Variants in BPTF observed in about 807,000 individuals in gnomAD.
BPTF encodes bromodomain PHD finger transcription factor.
A neutral mutation model predicts 292.5 loss-of-function variants in BPTF; 18 were observed. The ratio of observed to expected loss-of-function variants is 0.06; its 90% CI spans 0.04 to 0.09. The LOEUF (loss-of-function observed/expected upper bound fraction) is 0.09, where lower values mean the gene tolerates loss of function less well. BPTF is among the 10% of genes least tolerant of loss of function. The pLI is 1.00. For missense variants in BPTF, 2,726 were observed against 3,498.7 expected (o/e 0.78, Z 5.57); for synonymous variants, 1,225 against 1,251.9 (o/e 0.98, Z 0.45).
rs1221760754 is a variant in BPTF, at chr17:67,945,833, T to C, written c.7125T>C (p.Ile2375=). The change falls in exon 21 of 28, where the codon ATT becomes ATC. Residue 2375 remains isoleucine, a synonymous_variant. Transcript: ENST00000306378. ...TTCAGACTACAACCTCACAACCGAT[T>C]CCAATTCAACCACATACATCTCTTC... is the stretch of plus-strand genomic sequence containing the variant. ...SQVQTTTSQP[I]PIQPHTSLQI... is the part of the protein sequence containing the mutation. The C allele has an allele frequency of 6.2e-7, 1 of 1,613,962 alleles. No individual in the cohort carries two copies. The highest frequency in any genetic ancestry group is 8.5e-7 in the Non-Finnish European group (1 of 1,180,028).
At chr17:67,920,221 T>G in intron 13 of BPTF, 78 bp downstream of exon 13, 1 of 1,480,000 alleles carries the variant, frequency 6.8e-7, no homozygotes, top group Non-Finnish European at 9.2e-7. Context: ...ATATAATTTT[T>G]TCTTCTCTGT....
At chr17:67,909,510 C>A in intron 9 of BPTF, 72 bp from the exon 10 acceptor site, 1 of 944,052 alleles carries the variant, frequency 1.1e-6, no homozygotes, top group Non-Finnish European at 1.5e-6. Context: ...TGTTTATTTT[C>A]ACTAAACTTG....
intron 1 of BPTF, among the ~76,000 whole-genome samples, chr17:67,831,966 A>G (rs983716119): frequency 1.3e-5 from 2 of 152,116 alleles, no homozygotes; most frequent in African/African-American, 4.8e-5. Flanking sequence ...ATCTCGGTTC[A>G]CTGCAACCTC....
intron 3 of BPTF, among the ~76,000 whole-genome samples, chr17:67,870,440 A>G (rs1045115649): frequency 1.3e-5 from 2 of 152,022 alleles, no homozygotes; most frequent in East Asian, 3.9e-4. Flanking sequence ...CAACTTTTTA[A>G]GGAGTGTATT....
chr17:67,864,493 A>G (rs2059274789), intron 2 of BPTF, among the ~76,000 whole-genome samples: 1 of 147,168 alleles, frequency 6.8e-6, no homozygotes, highest in East Asian at 2.0e-4. Context: ...GCGCCACTGC[A>G]CTCCAGCCTG....
Position 67,853,118 on chromosome 17 carries a change from G to A in BPTF, c.614-822G>A, listed in dbSNP as rs371847873. 7.9e-5 allele frequency among the ~76,000 whole-genome samples: 12 copies of A among 152,226 alleles called. No homozygotes were observed. The South Asian group carries it at 1.0e-3, about 13-fold the overall frequency. On this transcript the variant is annotated intron_variant, in intron 1 of 27. Coordinates refer to ENST00000306378, the MANE Select transcript of BPTF (RefSeq NM_182641.4). ...GCCACCATACTCCAGCCTAGGCGAC[G>A]GCTGTAGGTGATTAAATGAGATAGA...
intron 27 of BPTF, among the ~76,000 whole-genome samples, chr17:67,978,507 C>T (rs1555695230): frequency 6.6e-6 from 1 of 151,246 alleles, no homozygotes; most frequent in African/African-American, 2.4e-5. Flanking sequence ...CCATGTTGAC[C>T]AAGCCGGTCT....
intron 13 of BPTF, among the ~76,000 whole-genome samples, chr17:67,922,567 G>A (rs924598618): frequency 1.3e-5 from 2 of 152,116 alleles, no homozygotes; most frequent in African/African-American, 4.8e-5. Context: ...AGGCTCATAA[G>A]CCTTGTATTT....
chr17:67,847,953 G>A (rs2058147934), intron 1 of BPTF, among the ~76,000 whole-genome samples: 2 of 152,136 alleles, frequency 1.3e-5, no homozygotes, highest in African/African-American at 4.8e-5. Context: ...TTATATATAT[G>A]TAACAGTAGA....
chr17:67,828,589 C>T lies in BPTF; in HGVS notation c.613+2252C>T, dbSNP rs182858715. ...TGCTGCCCAGGCTGGAGTGCAATGG[C>T]ACAATCTTGGCTCACTGCAACCTCC... is the stretch of plus-strand genomic sequence containing the variant. On this transcript the variant is annotated intron_variant, in intron 1 of 27. Transcript: ENST00000306378. Among the ~76,000 whole-genome samples the T allele has an allele frequency of 1.1e-3, 160 of 152,320 alleles. 1 individual carries two copies. In the Middle Eastern group the frequency reaches 0.014, roughly 13 times the overall value.
rs2061504697 is a variant in BPTF at position 67,897,192 on chromosome 17, T to G, written c.2543+3027T>G. On this transcript the variant is annotated intron_variant, in intron 7 of 27. Coordinates refer to ENST00000306378, the MANE Select transcript of BPTF (RefSeq NM_182641.4). ...AAAAAAACAAAAACAAAAAACGAAA[T>G]TAACCAGGCGTGGTGGCACATGCCT... 2.7e-5 allele frequency among the ~76,000 whole-genome samples: 4 copies of G among 148,432 alleles called. 1 individual carries two copies. In the South Asian group the frequency reaches 8.5e-4, roughly 32 times the overall value.
Position 67,874,959 on chromosome 17 carries a change from C to A in BPTF, c.1803C>A (p.Ser601=). 3 of 1,613,604 alleles carry A rather than the reference C, an allele frequency of 1.9e-6. No individual in the cohort carries two copies. The highest frequency in any genetic ancestry group is 2.5e-6 in the Non-Finnish European group (3 of 1,179,840). Residue 601 remains serine (S), a synonymous_variant, in exon 4 of 28, where the codon TCC becomes TCA. Transcript: ENST00000306378. The part of the protein sequence containing the change: ...EKNREEFEDQ[S]LEKDSDDKTP... ...ACAGAGAAGAATTTGAAGACCAGTC[C>A]CTTGAAAAAGACAGTGACGACAAAA...
chr17:67,959,639 A>G lies in BPTF; in HGVS notation c.8025A>G (p.Pro2675=). 1 of 1,598,158 alleles carries G rather than the reference A, an allele frequency of 6.3e-7. No individual in the cohort carries two copies. Among genetic ancestry groups the G allele is most frequent in the Non-Finnish European group, 8.5e-7 (1 of 1,174,216 alleles). Residue 2675 remains proline (P), a synonymous_variant, in exon 24 of 28, where the codon CCA becomes CCG. Transcript: ENST00000306378. ...AVAAPCPPVT[P]APPAPPAPPP... ...CTGCACCCTGCCCCCCAGTGACACC[A>G]GCTCCTCCAGCCCCTCCAGCCCCTC...
intron 3 of BPTF, 28 bp from the exon 4 acceptor site, chr17:67,874,789 A>C (rs371490474): frequency 2.7e-6 from 4 of 1,500,816 alleles, no homozygotes; most frequent in Non-Finnish European, 3.7e-6. Flanking sequence ...TATAGGAATA[A>C]TTTTTTTGTT....
intron 11 of BPTF, among the ~76,000 whole-genome samples, chr17:67,917,152 A>ATTTT: frequency 1.8e-5 from 1 of 56,014 alleles, no homozygotes; most frequent in Admixed American, 2.0e-4. Flanking sequence ...TTTTTTTTTG[A>ATTTT]GATAGAGTCT....
chr17:67,893,593 C>G lies in BPTF; in HGVS notation c.2279C>G (p.Ala760Gly). 1 of 1,612,164 alleles carries G rather than the reference C, an allele frequency of 6.2e-7. No homozygotes were observed. Among genetic ancestry groups the G allele is most frequent in the East Asian group, 2.2e-5 (1 of 44,860 alleles). Residue 760 changes from alanine to glycine, a missense_variant, in exon 6 of 28, where the codon GCA becomes GGA. By Grantham distance (60) the Ala-to-Gly change is moderately conservative. Coordinates refer to ENST00000306378, the MANE Select transcript of BPTF (RefSeq NM_182641.4). ...HLAHKFCLTP[A>G]GEFKWNGSVH... ...GCACATAAGTTCTGTCTGACTCCAG[C>G]AGGAGAGTTCAAATGGAACGGTTCT...
chr17:67,907,763 T>C (rs143719502), intron 9 of BPTF, among the ~76,000 whole-genome samples: 121 of 152,282 alleles, frequency 7.9e-4, no homozygotes, highest in African/African-American at 2.8e-3. Context: ...AATATGTATC[T>C]CTACGTAGAC....
In BPTF at chr17:67,975,809, T is replaced by C. The variant is rs1555693570; in HGVS notation, c.8577T>C (p.Tyr2859=). The C allele has an allele frequency of 3.7e-6, 6 of 1,614,008 alleles. No individual in the cohort carries two copies. In the South Asian group the frequency reaches 4.4e-5, roughly 12 times the overall value. ...TGGAAGAAAGAGTACAAAGACGATA[T>C]TATGAAAAGCTGACGGAATTTGTGG... ...ATMEERVQRR[Y]YEKLTEFVAD... The change falls in exon 27 of 28, where the codon TAT becomes TAC. Residue 2859 remains tyrosine (Y), a synonymous_variant. Coordinates refer to ENST00000306378, the MANE Select transcript of BPTF (RefSeq NM_182641.4).
At chr17:67,832,034 C>T (rs1402208153) in intron 1 of BPTF, among the ~76,000 whole-genome samples, 1 of 151,950 alleles carries the variant, frequency 6.6e-6, no homozygotes, top group Non-Finnish European at 1.5e-5. Context: ...GGACTACAGG[C>T]GCCTGCCACC....
Sources: allele counts gnomAD v4.1 joint callset (sites outside exome capture counted in the v4.1 genomes callset), GRCh38; gene constraint gnomAD v4.1.1; transcripts MANE v1.5; gene names NCBI Gene and HGNC (gene_info 2026-07-23, HGNC 2026-07-21).